TMEM132D: variants seen among roughly 807,000 people sequenced by gnomAD.
TMEM132D encodes mature OL transmembrane protein.
Under a neutral mutation model 62.3 loss-of-function variants are expected in TMEM132D, and 21 were observed. The ratio of observed to expected loss-of-function variants is 0.34; its 90% CI spans 0.24 to 0.49. The LOEUF is 0.49. Ranked by LOEUF, TMEM132D falls within the 20% of genes least tolerant of loss-of-function variation. The pLI is 0.99. For missense variants in TMEM132D, 1,346 were observed against 1,402.8 expected, an observed-to-expected ratio of 0.96 and a Z score of 0.65; for synonymous variants, 621 against 575.6, an observed-to-expected ratio of 1.08 and a Z score of -1.13.
At chr12:129,745,424 A>T (rs1869746756) in intron 1 of TMEM132D, among the ~76,000 whole-genome samples, 1 of 152,162 alleles carries the variant, frequency 6.6e-6, no homozygotes, top group African/African-American at 2.4e-5. Flanking sequence ...GTTGATGCCT[A>T]CCAGGTCATC....
intron 2 of TMEM132D, among the ~76,000 whole-genome samples, chr12:129,550,573 A>G (rs1393206348): frequency 1.3e-5 from 2 of 152,200 alleles, no homozygotes; most frequent in Non-Finnish European, 2.9e-5. Flanking sequence ...TCTGTACAAC[A>G]CTTAAGCAAC....
chr12:129,093,644 A>G (rs1875004675), intron 5 of TMEM132D, among the ~76,000 whole-genome samples: 1 of 152,228 alleles, frequency 6.6e-6, no homozygotes, highest in Non-Finnish European at 1.5e-5. Flanking sequence ...CATCTCCATC[A>G]AGCTACCAAT....
At chr12:129,313,461 T>C (rs946312805) in intron 4 of TMEM132D, among the ~76,000 whole-genome samples, 1 of 152,154 alleles carries the variant, frequency 6.6e-6, no homozygotes, top group South Asian at 2.1e-4. Context: ...AATAATAGTC[T>C]CCAATCTCAT....
intron 2 of TMEM132D, among the ~76,000 whole-genome samples, chr12:129,675,229 T>C (rs1313155365): frequency 6.6e-6 from 1 of 152,220 alleles, no homozygotes; most frequent in African/African-American, 2.4e-5. Context: ...TGCAGGGGCA[T>C]GGATGAAGCT....
intron 3 of TMEM132D, among the ~76,000 whole-genome samples, chr12:129,496,915 G>A (rs1038049641): frequency 6.6e-6 from 1 of 152,216 alleles, no homozygotes; most frequent in African/African-American, 2.4e-5. Flanking sequence ...GGGTAGGCTT[G>A]GGCCTCCAGC....
intron 3 of TMEM132D, among the ~76,000 whole-genome samples, chr12:129,463,878 T>C (rs1237291603): frequency 6.6e-6 from 1 of 151,446 alleles, no homozygotes; most frequent in Non-Finnish European, 1.5e-5. Flanking sequence ...CTATCATTGT[T>C]GGACATTTGG....
intron 4 of TMEM132D, among the ~76,000 whole-genome samples, chr12:129,323,183 A>G (rs1042151273): frequency 1.3e-5 from 2 of 152,218 alleles, no homozygotes; most frequent in Non-Finnish European, 2.9e-5. Context: ...TTAATGATAC[A>G]GCTACCCATA....
intron 2 of TMEM132D, among the ~76,000 whole-genome samples, chr12:129,695,685 G>A (rs1304591282): frequency 6.6e-6 from 1 of 152,230 alleles, no homozygotes; most frequent in Non-Finnish European, 1.5e-5. Context: ...GCTGCATCTG[G>A]TCCCTCTCCT....
At chr12:129,562,624 A>G (rs1361314876) in intron 2 of TMEM132D, among the ~76,000 whole-genome samples, 3 of 152,084 alleles carry the variant, frequency 2.0e-5, no homozygotes, top group African/African-American at 7.2e-5. Context: ...CTGAACCTCA[A>G]TTTTCTAATA....
intron 3 of TMEM132D, among the ~76,000 whole-genome samples, chr12:129,507,310 TA>T (rs1875363772): frequency 1.3e-5 from 2 of 152,146 alleles, no homozygotes; most frequent in Non-Finnish European, 2.9e-5. Flanking sequence ...GGAGATTCCT[TA>T]AAGAACTAAA....
At chr12:129,336,709 G>C (rs1869286838) in intron 4 of TMEM132D, among the ~76,000 whole-genome samples, 1 of 152,188 alleles carries the variant, frequency 6.6e-6, no homozygotes. Flanking sequence ...AGGAACGATG[G>C]GGTTTAGAAG....
At chr12:129,222,141 TC>T (rs551728134) in intron 4 of TMEM132D, among the ~76,000 whole-genome samples, 88 of 152,156 alleles carry the variant, frequency 5.8e-4, no homozygotes, top group Admixed American at 1.1e-3. Flanking sequence ...AAATAATTCT[TC>T]TACCTTTGGG....
chr12:129,184,379 C>A (rs11608618), intron 5 of TMEM132D, among the ~76,000 whole-genome samples: 30,949 of 152,152 alleles, frequency 0.2, 3,374 homozygotes, highest in African/African-American at 0.29. Flanking sequence ...CAGAGCTGTT[C>A]TCATCCACAG....
chr12:129,099,818 TTTTTTTA>T (rs1875237813), intron 5 of TMEM132D, among the ~76,000 whole-genome samples: 2 of 123,718 alleles, frequency 1.6e-5, no homozygotes, highest in Non-Finnish European at 3.0e-5. Context: ...TTTTTTTTAT[TTTTTTTA>T]TTTTTATTTT....
At chr12:129,244,083 A>G (rs993817922) in intron 4 of TMEM132D, among the ~76,000 whole-genome samples, 11 of 152,174 alleles carry the variant, frequency 7.2e-5, no homozygotes, top group Admixed American at 6.5e-4. Context: ...TGAGCCCATG[A>G]ACAATGAAAA....
chr12:129,888,582 T>C (rs1874821423), intron 1 of TMEM132D, among the ~76,000 whole-genome samples: 1 of 152,126 alleles, frequency 6.6e-6, no homozygotes, highest in Admixed American at 6.5e-5. Context: ...CATGCATCTG[T>C]AGTCCCAGCT....
chr12:129,903,238 C>A lies in TMEM132D; in HGVS notation c.79+23G>T. 1 of 1,551,434 alleles carries A rather than the reference C, an allele frequency of 6.4e-7. No individual in the cohort carries two copies. Among genetic ancestry groups the A allele is most frequent in the South Asian group, 1.2e-5 (1 of 84,056 alleles). On this transcript the variant is annotated intron_variant, in intron 1 of 8. Transcript: ENST00000422113. The surrounding 1 kb of genome is among the most constrained non-coding windows in gnomAD (Gnocchi z 6.2). Reference sequence around the variant, plus strand: ...CTCCAGGCGAAGTTAGTCCCCGGGCCCTGGCGGCCGCGGCGTCCTCACCTT... The same window carrying A: ...CTCCAGGCGAAGTTAGTCCCCGGGCACTGGCGGCCGCGGCGTCCTCACCTT...
At chr12:129,720,934 T>C (rs1868800596) in intron 1 of TMEM132D, among the ~76,000 whole-genome samples, 2 of 152,220 alleles carry the variant, frequency 1.3e-5, no homozygotes, top group Admixed American at 6.5e-5. Flanking sequence ...TTCTACACCA[T>C]GGGCACTGCC....
intron 5 of TMEM132D, among the ~76,000 whole-genome samples, chr12:129,164,468 G>A (rs954521927): frequency 1.1e-4 from 16 of 152,306 alleles, no homozygotes; most frequent in Non-Finnish European, 2.1e-4. Context: ...ACAGTTTCTT[G>A]TAAAGTTAAA....
Sources: gnomAD v4.1 joint callset for allele counts (sites outside exome capture counted in the v4.1 genomes callset) on GRCh38, gnomAD v4.1.1 for gene constraint, Gnocchi (gnomAD v3.1) non-coding constraint, MANE v1.5 for transcripts, NCBI Gene and HGNC (gene_info 2026-07-23, HGNC 2026-07-21) for gene names.